Variants in ERBB4 observed in about 807,000 individuals in gnomAD.
The protein encoded by ERBB4 is receptor tyrosine-protein kinase erbB-4.
A neutral mutation model predicts 158.0 loss-of-function variants in ERBB4; 42 were observed. The observed-to-expected ratio is 0.27, with a 90% CI of 0.21 to 0.34. The LOEUF (loss-of-function observed/expected upper bound fraction) is 0.34, where lower values mean the gene tolerates loss of function less well. Among genes scored for constraint, ERBB4 ranks in the 10% least tolerant of loss-of-function variants. ERBB4 has a pLI of 1.00. For synonymous variants in ERBB4, 583 were observed against 558.7 expected (o/e 1.04, Z -0.61); for missense variants, 1,333 against 1,624.1 (o/e 0.82, Z 3.08).
rs367985477 is a variant in ERBB4 at position 212,345,265 on chromosome 2, C to CAAAAAA, written c.82+193178_82+193183dup. Among the ~76,000 whole-genome samples, 15 of 77,720 alleles carry CAAAAAA rather than the reference C, an allele frequency of 1.9e-4. 4 individuals carry two copies. Among genetic ancestry groups the CAAAAAA allele is most frequent in the African/African-American group, 6.2e-4 (11 of 17,662 alleles). The allele number at this position is 77,720 out of a possible 152,430, so 51.0% of individuals were successfully genotyped here. Reference sequence around the variant, plus strand: ...TGGGGGACAGAGCAAGACTCCGTCTCAAAAAAAAAAAAGCACTAAACACAT... The same window carrying CAAAAAA: ...TGGGGGACAGAGCAAGACTCCGTCTCAAAAAAAAAAAAAAAAAAGCACTAAACACAT... On this transcript the variant is annotated intron_variant, in intron 1 of 27. Transcript: ENST00000342788.
chr2:212,391,496 C>A (rs114538379), intron 1 of ERBB4, among the ~76,000 whole-genome samples: 11 of 150,144 alleles, frequency 7.3e-5, no homozygotes, highest in African/African-American at 2.2e-4. Flanking sequence ...GAATTTTAAC[C>A]CCTAAACTAA....
intron 1 of ERBB4, among the ~76,000 whole-genome samples, chr2:212,529,731 T>A (rs1411415098): frequency 6.6e-6 from 1 of 152,168 alleles, no homozygotes; most frequent in African/African-American, 2.4e-5. Context: ...TCAAAACTAT[T>A]GGTTGGTTTG....
chr2:211,692,865 T>G (rs1317426808), intron 12 of ERBB4, among the ~76,000 whole-genome samples: 1 of 152,198 alleles, frequency 6.6e-6, no homozygotes, highest in Non-Finnish European at 1.5e-5. Flanking sequence ...TCATAAGCAC[T>G]AAACTGTCAA....
At chr2:211,738,112 T>A (rs555634783) in intron 5 of ERBB4, among the ~76,000 whole-genome samples, 70 of 152,210 alleles carry the variant, frequency 4.6e-4, no homozygotes, top group African/African-American at 1.6e-3. Context: ...GTCTACATGG[T>A]GATTTTTACC....
intron 1 of ERBB4, among the ~76,000 whole-genome samples, chr2:212,452,516 G>C (rs1688046938): frequency 6.6e-6 from 1 of 152,070 alleles, no homozygotes; most frequent in Admixed American, 6.6e-5. Flanking sequence ...TGGTAGCTCA[G>C]GACATTTTTA....
Position 211,745,997 on chromosome 2 carries a change from C to A in ERBB4, c.622+4642G>T, listed in dbSNP as rs2074961097. Among the ~76,000 whole-genome samples, 8 of 152,324 alleles carry A rather than the reference C, an allele frequency of 5.3e-5. No individual in the cohort carries two copies. In the South Asian group the frequency reaches 1.7e-3, roughly 32 times the overall value. On this transcript the variant is annotated intron_variant, in intron 5 of 27. Coordinates refer to ENST00000342788, the MANE Select transcript of ERBB4 (RefSeq NM_005235.3). ...AAATTTAGCCCTTTAATCATTTCCT[C>A]TGCTTATATTTCCTCAATTGTAAAA...
At chr2:211,428,801 T>C (rs1457626333) in intron 21 of ERBB4, among the ~76,000 whole-genome samples, 1 of 152,172 alleles carries the variant, frequency 6.6e-6, no homozygotes, top group Admixed American at 6.5e-5. Flanking sequence ...CACTGCAATC[T>C]CTGCCTACCA....
At chr2:211,550,383 T>C (rs1485649721) in intron 20 of ERBB4, among the ~76,000 whole-genome samples, 1 of 151,452 alleles carries the variant, frequency 6.6e-6, no homozygotes, top group South Asian at 2.1e-4. Context: ...GAAAAAAAAA[T>C]GTACTCTTCC....
chr2:212,249,276 G>C (rs2084430665), intron 1 of ERBB4, among the ~76,000 whole-genome samples: 2 of 151,690 alleles, frequency 1.3e-5, no homozygotes, highest in African/African-American at 4.8e-5. Flanking sequence ...TGTGTAAACT[G>C]TATTATTTAT....
intron 1 of ERBB4, among the ~76,000 whole-genome samples, chr2:212,391,671 TTTATATATA>T (rs1214368093): frequency 3.8e-5 from 5 of 130,916 alleles, no homozygotes; most frequent in South Asian, 2.4e-4. Context: ...TGTATTATAT[TTTATATATA>T]TTATATATAT....
At chr2:212,163,208 T>G (rs915419212) in intron 1 of ERBB4, among the ~76,000 whole-genome samples, 3 of 152,000 alleles carry the variant, frequency 2.0e-5, no homozygotes, top group African/African-American at 7.2e-5. Context: ...GCTACCTATC[T>G]GTGTGTGTAT....
chr2:212,306,771 T>C (rs536486745), intron 1 of ERBB4, among the ~76,000 whole-genome samples: 2 of 151,436 alleles, frequency 1.3e-5, no homozygotes, highest in East Asian at 2.0e-4. Flanking sequence ...CATTTATTCA[T>C]ATTGTTTTTG....
rs141754898 is a variant in ERBB4, at chr2:212,491,252, C to T, written c.82+47197G>A. Among the ~76,000 whole-genome samples the T allele has an allele frequency of 7.6e-3, 1,157 of 151,658 alleles. 13 individuals carry two copies. Among genetic ancestry groups the T allele is most frequent in the African/African-American group, 0.026 (1,087 of 41,500 alleles). ...AAACTGATGTATTTGCATACAGAAC[C>T]TATTATGTATAAACTTTTTAAAAAA... On this transcript the variant is annotated intron_variant, in intron 1 of 27. Coordinates refer to ENST00000342788, the MANE Select transcript of ERBB4 (RefSeq NM_005235.3).
At chr2:212,322,928 TCC>T (rs767429051) in intron 1 of ERBB4, among the ~76,000 whole-genome samples, 1 of 139,630 alleles carries the variant, frequency 7.2e-6, no homozygotes, top group Non-Finnish European at 1.5e-5. Context: ...AATGTTATTC[TCC>T]CTAGCCGGAA....
intron 3 of ERBB4, among the ~76,000 whole-genome samples, chr2:211,857,011 GTATGT>G (rs1396049494): frequency 1.3e-5 from 2 of 152,008 alleles, no homozygotes; most frequent in African/African-American, 4.8e-5. Flanking sequence ...TAATATAATT[GTATGT>G]TATAATATTT....
Position 211,379,895 on chromosome 2 carries a change from CATT to C in ERBB4, c.*3717_*3719del, listed in dbSNP as rs1332518508. On this transcript the variant is annotated 3_prime_UTR_variant, in exon 28 of 28. Transcript: ENST00000342788. Reference sequence around the variant, plus strand: ...TTCATTTTTGATACTTCAAGAAGCACATTAATAGTCCTTCCAACTTCATCTAGT... The same window carrying C: ...TTCATTTTTGATACTTCAAGAAGCACAATAGTCCTTCCAACTTCATCTAGT... The C allele has an allele frequency of 1.3e-5, 3 of 231,924 alleles. No homozygotes were observed. Among genetic ancestry groups the C allele is most frequent in the Non-Finnish European group, 2.6e-5 (3 of 117,378 alleles). The allele number at this position is 231,924 out of a possible 1,614,324, so 14.4% of individuals were successfully genotyped here.
intron 19 of ERBB4, among the ~76,000 whole-genome samples, chr2:211,572,484 G>A (rs538942788): frequency 1.2e-4 from 18 of 152,186 alleles, no homozygotes; most frequent in Admixed American, 2.0e-4. Flanking sequence ...GGGCTACGAC[G>A]CTCCCTGGCT....
intron 4 of ERBB4, among the ~76,000 whole-genome samples, chr2:211,757,742 G>A (rs1354816716): frequency 2.0e-5 from 3 of 152,158 alleles, no homozygotes; most frequent in African/African-American, 7.2e-5. Flanking sequence ...AGTTAATCTG[G>A]CACAAAAGTT....
chr2:212,406,395 T>C (rs1285635242), intron 1 of ERBB4, among the ~76,000 whole-genome samples: 1 of 152,138 alleles, frequency 6.6e-6, no homozygotes, highest in Non-Finnish European at 1.5e-5. Context: ...AGAACTAGTA[T>C]GACCACTCAG....
Sources: gnomAD v4.1 joint callset for allele counts (sites outside exome capture counted in the v4.1 genomes callset) on GRCh38, gnomAD v4.1.1 for gene constraint, MANE v1.5 for transcripts, NCBI Gene and HGNC (gene_info 2026-07-23, HGNC 2026-07-21) for gene names.